The following FAM78B variants were observed in gnomAD, a reference collection of about 807,000 sequenced individuals.
The protein encoded by FAM78B is family with sequence similarity 78 member B.
In FAM78B, 10 loss-of-function variants were observed where a neutral mutation model predicts 20.0. That is an observed-to-expected ratio of 0.50 (90% CI 0.31 to 0.85). The LOEUF (loss-of-function observed/expected upper bound fraction) is 0.85. Among genes scored for constraint, FAM78B ranks in the 40% least tolerant of loss-of-function variants. FAM78B has a pLI of 0.05. For missense variants in FAM78B, 283 were observed against 345.0 expected (o/e 0.82, Z 1.42); for synonymous variants, 135 against 132.8 (o/e 1.02, Z -0.12).
intron 1 of FAM78B, among the ~76,000 whole-genome samples, chr1:166,159,663 T>C (rs1656066235): frequency 6.6e-6 from 1 of 152,178 alleles, no homozygotes; most frequent in South Asian, 2.1e-4. Flanking sequence ...TGTCCTTGCT[T>C]TCCCCAACCC....
chr1:166,122,149 C>T (rs1654485308), intron 1 of FAM78B, among the ~76,000 whole-genome samples: 2 of 152,030 alleles, frequency 1.3e-5, no homozygotes, highest in Admixed American at 1.3e-4. Flanking sequence ...TTTTTCCTTG[C>T]CTTAGCCAGG....
intron 1 of FAM78B, among the ~76,000 whole-genome samples, chr1:166,148,254 G>A (rs1389166443): frequency 6.6e-6 from 1 of 152,244 alleles, no homozygotes; most frequent in Non-Finnish European, 1.5e-5. Context: ...AATTTGGCAA[G>A]AGCGATTGCA....
intron 1 of FAM78B, among the ~76,000 whole-genome samples, chr1:166,151,005 C>T (rs1035313818): frequency 6.6e-6 from 1 of 152,182 alleles, no homozygotes; most frequent in Non-Finnish European, 1.5e-5. Context: ...TGACCCAGAA[C>T]TGGGGTTTTA....
intron 1 of FAM78B, among the ~76,000 whole-genome samples, chr1:166,109,814 G>GTATATATATATATATATATA (rs201957585): frequency 9.2e-5 from 3 of 32,648 alleles, no homozygotes; most frequent in Non-Finnish European, 2.1e-4. Context: ...ATGTATATAT[G>GTATATATATATATATATATA]TATATATATA....
At chr1:166,150,814 G>A (rs2101797706) in intron 1 of FAM78B, among the ~76,000 whole-genome samples, 1 of 152,308 alleles carries the variant, frequency 6.6e-6, no homozygotes, top group South Asian at 2.1e-4. Flanking sequence ...CAGGCTGGGT[G>A]CAGGGGCTCA....
rs1183162989 is a variant in FAM78B, at chr1:166,077,846, TA to T, written c.264-7084del. On this transcript the variant is annotated intron_variant, in intron 1 of 1. Transcript: ENST00000354422. ...TATAAATATATATAATTTATATATATAATAATATATATAATTTATATATATA... is the reference window on the plus strand; with the variant it reads ...TATAAATATATATAATTTATATATATATAATATATATAATTTATATATATA... 3.4e-4 allele frequency among the ~76,000 whole-genome samples: 41 copies of T among 119,676 alleles called. 1 individual carries two copies. The highest frequency in any genetic ancestry group is 1.3e-3 in the African/African-American group (41 of 30,610). 78.5% of individuals were successfully genotyped at this position (119,676 alleles called of 152,430 possible). A position where few individuals can be genotyped will look rare whatever the true frequency, so the allele number is the denominator to read the frequency against.
intron 1 of FAM78B, among the ~76,000 whole-genome samples, chr1:166,113,699 C>T (rs886842137): frequency 1.3e-5 from 2 of 152,234 alleles, no homozygotes; most frequent in Non-Finnish European, 2.9e-5. Flanking sequence ...CTGGCTTTCC[C>T]TGAACTCTCT....
At position 166,106,718 on chromosome 1, in the gene FAM78B, G is replaced by C. The variant is rs533992608; in HGVS notation, c.264-35955C>G. On this transcript the variant is annotated intron_variant, in intron 1 of 1. Transcript: ENST00000354422. Reference sequence around the variant, plus strand: ...CAACATCAGACTGTGGGGACTACTTGGAGGGGGAGAGAGGGAGGGAAGGAA... The same window carrying C: ...CAACATCAGACTGTGGGGACTACTTCGAGGGGGAGAGAGGGAGGGAAGGAA... Among the ~76,000 whole-genome samples, 3 of 152,222 alleles carry C rather than the reference G, an allele frequency of 2.0e-5. No individual in the cohort carries two copies. In the East Asian group the frequency reaches 5.8e-4, roughly 29 times the overall value.
chr1:166,078,562 T>TA, intron 1 of FAM78B, among the ~76,000 whole-genome samples: 2 of 152,298 alleles, frequency 1.3e-5, no homozygotes, highest in South Asian at 2.1e-4. Flanking sequence ...AGCATTTCAT[T>TA]CAAATAAGCA....
chr1:166,140,719 C>T (rs1655245896), intron 1 of FAM78B, among the ~76,000 whole-genome samples: 1 of 152,188 alleles, frequency 6.6e-6, no homozygotes, highest in African/African-American at 2.4e-5. Context: ...TAAGAAAACA[C>T]TTGAGGCAAA....
chr1:166,116,241 T>C (rs916569343), intron 1 of FAM78B, among the ~76,000 whole-genome samples: 4 of 152,182 alleles, frequency 2.6e-5, no homozygotes, highest in Admixed American at 1.3e-4. Flanking sequence ...CAGACTCCTG[T>C]TGGCTTCTGG....
intron 1 of FAM78B, among the ~76,000 whole-genome samples, chr1:166,102,567 G>C (rs554462664): frequency 6.6e-6 from 1 of 152,086 alleles, no homozygotes; most frequent in African/African-American, 2.4e-5. Flanking sequence ...CCTAGTCTCT[G>C]ATAAAACAGA....
At chr1:166,072,879 T>C (rs1317875436) in intron 1 of FAM78B, among the ~76,000 whole-genome samples, 1 of 152,232 alleles carries the variant, frequency 6.6e-6, no homozygotes, top group Non-Finnish European at 1.5e-5. Flanking sequence ...ACAGTCCTTT[T>C]CAGGCTATCT....
chr1:166,141,791 C>CA (rs1655289242), intron 1 of FAM78B, among the ~76,000 whole-genome samples: 1 of 152,188 alleles, frequency 6.6e-6, no homozygotes, highest in South Asian at 2.1e-4. Context: ...TGGACACTGA[C>CA]AGATGCAAAG....
chr1:166,150,104 CA>C (rs1655618640), intron 1 of FAM78B, among the ~76,000 whole-genome samples: 2 of 152,172 alleles, frequency 1.3e-5, no homozygotes, highest in Non-Finnish European at 1.5e-5. Context: ...GGCTGTGCCT[CA>C]GGGGGGGTTT....
In FAM78B at chr1:166,166,347, C is replaced by T. The variant is rs1361411610; in HGVS notation, c.-99G>A. ...CACGCCGGCATGGCGACGCGCCGCT[C>T]GCTCCCGGTCAGACTCAGCTCGCAC... On this transcript the variant is annotated 5_prime_UTR_variant, in exon 1 of 2. Coordinates refer to ENST00000354422, the MANE Select transcript of FAM78B (RefSeq NM_001017961.5). 2.0e-6 allele frequency: 2 copies of T among 1,005,542 alleles called. No homozygotes were observed. The highest frequency in any genetic ancestry group is 8.7e-5 in the East Asian group (1 of 11,486). The allele number at this position is 1,005,542 out of a possible 1,614,324, so 62.3% of individuals were successfully genotyped here. A position where few individuals can be genotyped will look rare whatever the true frequency, so the allele number is the denominator to read the frequency against.
At chr1:166,062,592 T>C (rs1651638025) in intron 2 of FAM78B, among the ~76,000 whole-genome samples, 1 of 152,250 alleles carries the variant, frequency 6.6e-6, no homozygotes, top group Non-Finnish European at 1.5e-5. Flanking sequence ...CTGATGCATG[T>C]GCATGTGCGT....
intron 1 of FAM78B, among the ~76,000 whole-genome samples, chr1:166,156,574 A>G (rs1655903560): frequency 6.6e-6 from 1 of 152,224 alleles, no homozygotes; most frequent in South Asian, 2.1e-4. Flanking sequence ...TGAAATAGGA[A>G]TAACTGTTGT....
chr1:166,135,387 T>A (rs1655031835), intron 1 of FAM78B, among the ~76,000 whole-genome samples: 1 of 152,236 alleles, frequency 6.6e-6, no homozygotes, highest in African/African-American at 2.4e-5. Flanking sequence ...AACTCCAGCA[T>A]CTAAAGCTAA....
Sources: allele counts gnomAD v4.1 joint callset (sites outside exome capture counted in the v4.1 genomes callset), GRCh38; gene constraint gnomAD v4.1.1; transcripts MANE v1.5; gene names NCBI Gene and HGNC (gene_info 2026-07-23, HGNC 2026-07-21).